Variants in CD163L1 observed in about 807,000 individuals in gnomAD.
CD163L1 encodes CD163 molecule like 1.
Under a neutral mutation model 165.4 loss-of-function variants are expected in CD163L1, and 124 were observed. The ratio of observed to expected loss-of-function variants is 0.75; its 90% confidence interval spans 0.65 to 0.87. The LOEUF (loss-of-function observed/expected upper bound fraction) is 0.87, where lower values mean the gene tolerates loss of function less well. Among genes scored for constraint, CD163L1 ranks in the 40% least tolerant of loss-of-function variants. CD163L1 has a pLI of 0.00. For synonymous variants in CD163L1, 585 were observed against 662.2 expected (o/e 0.88, Z 1.79); for missense variants, 1,525 against 1,799.9 (o/e 0.85, Z 2.76).
At chr12:7,380,350 T>TATGTGTGTATACGCGTATACATACATGC (rs1947365164) in intron 8 of CD163L1, among the ~76,000 whole-genome samples, 1 of 147,354 alleles carries the variant, frequency 6.8e-6, no homozygotes, top group Non-Finnish European at 1.5e-5. Context: ...TACATACATG[T>TATGTGTGTATACGCGTATACATACATGC]ATGTGTGTAT....
downstream of CD163L1, among the ~76,000 whole-genome samples, chr12:7,342,974 C>T (rs117066517): frequency 5.9e-5 from 9 of 152,230 alleles, no homozygotes; most frequent in East Asian, 1.2e-3. Flanking sequence ...ACCTGTTTAC[C>T]TGCTCTTCCT....
intron 18 of CD163L1, among the ~76,000 whole-genome samples, chr12:7,360,790 C>T (rs1039479486): frequency 2.6e-5 from 4 of 152,102 alleles, no homozygotes; most frequent in African/African-American, 9.7e-5. Flanking sequence ...TGTAGATTGG[C>T]AACTGCTGGT....
intron 4 of CD163L1, among the ~76,000 whole-genome samples, chr12:7,421,592 TAC>T (rs1948425987): frequency 7.8e-5 from 1 of 12,756 alleles, no homozygotes; most frequent in African/African-American, 1.4e-4. Flanking sequence ...TATATACATA[TAC>T]ATATATGTAC....
At chr12:7,386,142 AC>A (rs1309509910) in intron 8 of CD163L1, among the ~76,000 whole-genome samples, 5 of 152,182 alleles carry the variant, frequency 3.3e-5, no homozygotes, top group African/African-American at 1.2e-4. Flanking sequence ...AAACATTACA[AC>A]TGATAACACA....
Position 7,406,728 on chromosome 12 carries a change from A to G in CD163L1, c.891T>C (p.Asp297=). Residue 297 remains aspartate, a synonymous_variant, in exon 5 of 20, where the codon GAT becomes GAC. Transcript: ENST00000313599. ...CHHKWNNAAA[D]VVCKQLGCGT... is the part of the protein sequence containing the mutation. ...CACATCCCAACTGCTTGCATACGAC[A>G]TCAGCTGCAGCATTGTTCCACTTAT... 2 of 1,614,048 alleles carry G rather than the reference A, an allele frequency of 1.2e-6. No homozygotes were observed. The highest frequency in any genetic ancestry group is 1.7e-6 in the Non-Finnish European group (2 of 1,179,986).
At chr12:7,332,194 C>T in the CD163L1 span, among the ~76,000 whole-genome samples, 48 of 150,934 alleles carry the variant, frequency 3.2e-4, no homozygotes, top group Admixed American at 9.9e-4. Context: ...CAATGGAAGA[C>T]GAAATGAATG....
Position 7,347,670 on chromosome 12 carries a change from G to C in CD163L1, c.*25-523C>G, listed in dbSNP as rs1225993117. Reference sequence around the variant, plus strand: ...GTAGTCCCAGCTACTCGGAGAGGCTGAGGCAGGAGAATGGCGTGAACCTGG... The same window carrying C: ...GTAGTCCCAGCTACTCGGAGAGGCTCAGGCAGGAGAATGGCGTGAACCTGG... On this transcript the variant is annotated intron_variant, in intron 4 of 4. Transcript: ENST00000539726. This position sits in a 1 kb window ranked among gnomAD's most constrained non-coding sequence, Gnocchi z 4.2. Among the ~76,000 whole-genome samples, 1 of 152,094 alleles carries C rather than the reference G, an allele frequency of 6.6e-6. No individual in the cohort carries two copies. The highest frequency in any genetic ancestry group is 6.5e-5 in the Admixed American group (1 of 15,280).
the CD163L1 span, among the ~76,000 whole-genome samples, chr12:7,321,522 A>C: frequency 1.3e-5 from 2 of 152,238 alleles, no homozygotes; most frequent in Non-Finnish European, 2.9e-5. Context: ...TTTCCTAGTC[A>C]GTGTCAACTC....
At chr12:7,355,170 C>G (rs1645006714) in intron 19 of CD163L1, 40 bp from the exon 20 acceptor site, 1 of 152,176 alleles carries the variant, frequency 6.6e-6, no homozygotes, top group South Asian at 2.1e-4. Context: ...TACTATTCTT[C>G]TAAATAAGAA....
chr12:7,385,319 T>C (rs918933950), intron 8 of CD163L1, among the ~76,000 whole-genome samples: 1 of 151,592 alleles, frequency 6.6e-6, no homozygotes, highest in African/African-American at 2.4e-5. Context: ...ATAACAATTC[T>C]AAATACATAT....
the CD163L1 span, among the ~76,000 whole-genome samples, chr12:7,334,043 C>T: frequency 6.6e-6 from 1 of 151,908 alleles, no homozygotes; most frequent in East Asian, 1.9e-4. Flanking sequence ...GGATTCACAG[C>T]CGAATTCTAC....
chr12:7,392,737 A>C (rs1232523765), intron 8 of CD163L1, among the ~76,000 whole-genome samples: 1 of 152,220 alleles, frequency 6.6e-6, no homozygotes, highest in Non-Finnish European at 1.5e-5. Flanking sequence ...GACAAAGGGA[A>C]TATCACCACC....
intron 6 of CD163L1, among the ~76,000 whole-genome samples, chr12:7,402,336 A>G (rs1675850300): frequency 6.6e-6 from 1 of 152,086 alleles, no homozygotes; most frequent in African/African-American, 2.4e-5. Context: ...TGCATTATTT[A>G]TATTTCTATC....
chr12:7,375,524 G>C lies in CD163L1; in HGVS notation c.2758C>G (p.His920Asp). The C allele has an allele frequency of 3.7e-6, 6 of 1,614,014 alleles. No homozygotes were observed. Among genetic ancestry groups the C allele is most frequent in the Non-Finnish European group, 5.1e-6 (6 of 1,180,034 alleles). ...DGQVEINVLGHWGSLCDTHWD... is the reference protein window; with the variant it reads ...DGQVEINVLGDWGSLCDTHWD... ...TGGGTGTCACACAGTGAGCCCCAGTGTCCAAGCACGTTGATCTCCACTTGC... is the reference window on the plus strand; with the variant it reads ...TGGGTGTCACACAGTGAGCCCCAGTCTCCAAGCACGTTGATCTCCACTTGC... Residue 920 changes from histidine (H) to aspartate (D), a missense_variant, in exon 11 of 20, where the codon CAC (histidine) becomes GAC (aspartate). Transcript: ENST00000313599.
At chr12:7,354,664 T>C (rs1024407808), downstream of CD163L1, among the ~76,000 whole-genome samples, 1 of 152,230 alleles carries the variant, frequency 6.6e-6, no homozygotes, top group Middle Eastern at 3.4e-3. Flanking sequence ...CCCTCACAGT[T>C]TGGGAAGTTA....
intron 8 of CD163L1, among the ~76,000 whole-genome samples, chr12:7,379,762 G>C (rs1349144859): frequency 6.6e-6 from 1 of 151,998 alleles, no homozygotes; most frequent in Non-Finnish European, 1.5e-5. Context: ...GAAAAATGGA[G>C]AAACTTGCCT....
Position 7,379,146 on chromosome 12 carries a change from AC to A in CD163L1, c.2202del (p.Ser735LeufsTer19). On this transcript the variant is annotated frameshift_variant, in exon 9 of 20. Transcript: ENST00000313599. LOFTEE classifies it high-confidence loss of function. The part of the protein sequence containing the change: ...AEVVCRQLEC[G>X]SAIRVSREPH... ...GGCTCTCTGGAGACCCTGATTGCAGACCCACATTCAAGTTGCCTGCAAACAA... is the reference window on the plus strand; with the variant it reads ...GGCTCTCTGGAGACCCTGATTGCAGACCACATTCAAGTTGCCTGCAAACAA... The A allele has an allele frequency of 6.2e-7, 1 of 1,614,140 alleles. No homozygotes were observed. Among genetic ancestry groups the A allele is most frequent in the East Asian group, 2.2e-5 (1 of 44,884 alleles).
At chr12:7,334,771 C>T in the CD163L1 span, among the ~76,000 whole-genome samples, 1 of 152,164 alleles carries the variant, frequency 6.6e-6, no homozygotes. Context: ...TCTCCTTAAG[C>T]TGATAAGCAA....
intron 6 of CD163L1, among the ~76,000 whole-genome samples, chr12:7,399,389 TTTTC>T (rs149885697): frequency 0.18 from 4,514 of 25,792 alleles, 105 homozygotes; most frequent in East Asian, 0.34. Flanking sequence ...ACTTCTTTCT[TTTTC>T]TTTCTTTCTT....
Sources: allele counts gnomAD v4.1 joint callset (sites outside exome capture counted in the v4.1 genomes callset), GRCh38; gene constraint gnomAD v4.1.1; non-coding constraint Gnocchi (gnomAD v3.1); transcripts MANE v1.5; gene names NCBI Gene and HGNC (gene_info 2026-07-23, HGNC 2026-07-21).